SLMAP: variants seen among roughly 807,000 people sequenced by gnomAD.
SLMAP encodes sarcolemmal membrane-associated protein.
A neutral mutation model predicts 128.8 loss-of-function variants in SLMAP; 44 were observed. The ratio of observed to expected loss-of-function variants is 0.34; its 90% CI spans 0.27 to 0.44. The LOEUF is 0.44. SLMAP is among the 20% of genes least tolerant of loss of function. The pLI is 1.00. For missense variants in SLMAP, 787 were observed against 985.3 expected, an observed-to-expected ratio of 0.80 and a Z score of 2.69; for synonymous variants, 327 against 348.8, an observed-to-expected ratio of 0.94 and a Z score of 0.70.
At chr3:57,853,166 T>C (rs1399472207) in intron 6 of SLMAP, among the ~76,000 whole-genome samples, 1 of 152,204 alleles carries the variant, frequency 6.6e-6, no homozygotes, top group Non-Finnish European at 1.5e-5. Flanking sequence ...TTTTGCAGCA[T>C]CTGAGTGATT....
chr3:57,845,982 C>A (rs1015959193), intron 4 of SLMAP, among the ~76,000 whole-genome samples: 1 of 152,062 alleles, frequency 6.6e-6, no homozygotes, highest in Non-Finnish European at 1.5e-5. Context: ...GCTGGGACTA[C>A]AGGCACATGC....
At chr3:57,789,716 A>G (rs959909426) in intron 2 of SLMAP, among the ~76,000 whole-genome samples, 9 of 152,238 alleles carry the variant, frequency 5.9e-5, no homozygotes, top group Admixed American at 3.3e-4. Context: ...CTGTAATTCA[A>G]CACAAATTAG....
chr3:57,871,752 T>A, intron 14 of SLMAP, 54 bp downstream of exon 14: 1 of 1,344,670 alleles, frequency 7.4e-7, no homozygotes, highest in South Asian at 1.2e-5. Flanking sequence ...GGCTAAAACT[T>A]AAAAGTGAGA....
chr3:57,873,915 G>A (rs1029579334), intron 14 of SLMAP, among the ~76,000 whole-genome samples: 1 of 152,186 alleles, frequency 6.6e-6, no homozygotes, highest in Non-Finnish European at 1.5e-5. Context: ...GAGGTCAGGA[G>A]TTTGAGACGA....
intron 17 of SLMAP, 138 bp downstream of exon 17, chr3:57,897,070 A>G (rs1466727189): frequency 2.1e-6 from 3 of 1,420,346 alleles, no homozygotes; most frequent in East Asian, 5.2e-5. Context: ...AGCAGGGACT[A>G]AAAATTTAAA....
rs189828357 is a variant in SLMAP at position 57,777,590 on chromosome 3, G to A, written c.198+19741G>A. Among the ~76,000 whole-genome samples the A allele has an allele frequency of 4.1e-3, 620 of 151,390 alleles. 6 individuals carry two copies. The highest frequency in any genetic ancestry group is 0.015 in the African/African-American group (603 of 41,330). On this transcript the variant is annotated intron_variant, in intron 2 of 24. Coordinates refer to ENST00000671191, the MANE Select transcript of SLMAP (RefSeq NM_001377540.1). Reference sequence around the variant, plus strand: ...CAGCCTAGGCAGCTTAAAAAAAAAAGAATAAGAAAAGTTCAGAAGAAAAAA... The same window carrying A: ...CAGCCTAGGCAGCTTAAAAAAAAAAAAATAAGAAAAGTTCAGAAGAAAAAA...
chr3:57,924,065 T>G (rs1212950002), intron 23 of SLMAP, among the ~76,000 whole-genome samples: 1 of 152,246 alleles, frequency 6.6e-6, no homozygotes, highest in Non-Finnish European at 1.5e-5. Context: ...TTGTGTTAAT[T>G]CATATCCCTG....
At chr3:57,782,475 C>CT (rs2083274361) in intron 2 of SLMAP, among the ~76,000 whole-genome samples, 1 of 151,932 alleles carries the variant, frequency 6.6e-6, no homozygotes, top group African/African-American at 2.4e-5. Flanking sequence ...CCAAACTTTC[C>CT]TTTTATTCTT....
intron 23 of SLMAP, among the ~76,000 whole-genome samples, chr3:57,924,690 C>T (rs2096971733): frequency 6.6e-6 from 1 of 151,906 alleles, no homozygotes; most frequent in Non-Finnish European, 1.5e-5. Context: ...TATACCAAAC[C>T]TTTATTACAT....
At chr3:57,857,240 T>G (rs992959959) in intron 6 of SLMAP, among the ~76,000 whole-genome samples, 1 of 152,164 alleles carries the variant, frequency 6.6e-6, no homozygotes, top group Non-Finnish European at 1.5e-5. Context: ...CAAATGAGAC[T>G]AAAATGATGT....
chr3:57,807,117 T>A (rs1371035714), intron 2 of SLMAP, among the ~76,000 whole-genome samples: 1 of 152,208 alleles, frequency 6.6e-6, no homozygotes, highest in African/African-American at 2.4e-5. Flanking sequence ...TGATGATCAG[T>A]GATGTTGAGC....
chr3:57,867,052 A>C (rs933620582), intron 13 of SLMAP, among the ~76,000 whole-genome samples: 1 of 151,846 alleles, frequency 6.6e-6, no homozygotes, highest in Admixed American at 6.6e-5. Flanking sequence ...GTGGCACGCT[A>C]CTGTAATCCC....
At chr3:57,782,874 T>C (rs2083345181) in intron 2 of SLMAP, among the ~76,000 whole-genome samples, 1 of 152,222 alleles carries the variant, frequency 6.6e-6, no homozygotes, top group Non-Finnish European at 1.5e-5. Flanking sequence ...CCCTGTCTCA[T>C]GCTCTCCTGC....
intron 2 of SLMAP, among the ~76,000 whole-genome samples, chr3:57,767,542 G>A (rs2079993897): frequency 6.6e-6 from 1 of 152,156 alleles, no homozygotes; most frequent in Non-Finnish European, 1.5e-5. Flanking sequence ...TCCAAATCTT[G>A]TGATTGGTGA....
intron 2 of SLMAP, among the ~76,000 whole-genome samples, chr3:57,773,773 G>A (rs1406763327): frequency 6.6e-6 from 1 of 152,116 alleles, no homozygotes; most frequent in Admixed American, 6.5e-5. Flanking sequence ...AGATTCCGAA[G>A]TATTAATATA....
intron 14 of SLMAP, among the ~76,000 whole-genome samples, chr3:57,875,570 C>G (rs1476526810): frequency 6.6e-6 from 1 of 152,186 alleles, no homozygotes; most frequent in Non-Finnish European, 1.5e-5. Context: ...ACATCTGAAT[C>G]CTTTCGGTCC....
chr3:57,865,778 G>A (rs1404578218), intron 13 of SLMAP, among the ~76,000 whole-genome samples: 1 of 152,134 alleles, frequency 6.6e-6, no homozygotes, highest in African/African-American at 2.4e-5. Flanking sequence ...TCTTTTATTA[G>A]TTGTTGGTTC....
chr3:57,880,007 G>A (rs570304740), intron 14 of SLMAP, among the ~76,000 whole-genome samples: 2 of 152,012 alleles, frequency 1.3e-5, no homozygotes, highest in African/African-American at 4.8e-5. Context: ...TTATGGGAGA[G>A]GAAGGGATTT....
intron 2 of SLMAP, among the ~76,000 whole-genome samples, chr3:57,781,044 A>G (rs1018449440): frequency 6.6e-6 from 1 of 151,794 alleles, no homozygotes; most frequent in African/African-American, 2.4e-5. Context: ...ATATATGCGC[A>G]TATATATAAA....
Sources: gnomAD v4.1 joint callset for allele counts (sites outside exome capture counted in the v4.1 genomes callset) on GRCh38, gnomAD v4.1.1 for gene constraint, MANE v1.5 for transcripts, NCBI Gene and HGNC (gene_info 2026-07-23, HGNC 2026-07-21) for gene names.